KCNN2: variants seen among roughly 807,000 people sequenced by gnomAD.
KCNN2 encodes the protein small conductance calcium-activated potassium channel protein 2.
A neutral mutation model predicts 55.5 loss-of-function variants in KCNN2; 24 were observed. That is an observed-to-expected ratio of 0.43 (90% CI 0.31 to 0.61). KCNN2 has a LOEUF of 0.61. Among genes scored for constraint, KCNN2 ranks in the 20% least tolerant of loss-of-function variants. KCNN2 has a pLI of 0.08. For synonymous variants in KCNN2, 431 were observed against 336.1 expected (o/e 1.28, Z -3.09); for missense variants, 754 against 853.6 (o/e 0.88, Z 1.45).
At chr5:114,400,563 T>C (rs1328125670) in intron 2 of KCNN2, among the ~76,000 whole-genome samples, 1 of 152,222 alleles carries the variant, frequency 6.6e-6, no homozygotes, top group African/African-American at 2.4e-5. Flanking sequence ...TGAAATCCTG[T>C]TTGGATACCA....
intron 2 of KCNN2, among the ~76,000 whole-genome samples, chr5:114,315,086 G>T (rs1471739452): frequency 3.3e-5 from 5 of 152,092 alleles, no homozygotes; most frequent in Non-Finnish European, 7.4e-5. Context: ...CTTATATTGG[G>T]AGCAAACAGG....
chr5:114,159,048 G>A (rs1045429257), intron 1 of KCNN2, among the ~76,000 whole-genome samples: 1 of 152,180 alleles, frequency 6.6e-6, no homozygotes, highest in African/African-American at 2.4e-5. Context: ...ATGTTGGAAA[G>A]GAGTGGTGAG....
At chr5:114,453,715 TTC>T (rs1760795282) in intron 3 of KCNN2, among the ~76,000 whole-genome samples, 1 of 152,184 alleles carries the variant, frequency 6.6e-6, no homozygotes. Context: ...TCTGGGAAAT[TTC>T]TGTCAACTTA....
chr5:114,387,770 CAG>C (rs530931506), intron 2 of KCNN2, among the ~76,000 whole-genome samples: 106 of 152,286 alleles, frequency 7.0e-4, no homozygotes, highest in African/African-American at 2.5e-3. Context: ...GAGGGAGACT[CAG>C]AGACTAGACT....
At chr5:114,331,940 C>T (rs1441695038) in intron 2 of KCNN2, among the ~76,000 whole-genome samples, 1 of 152,144 alleles carries the variant, frequency 6.6e-6, no homozygotes, top group African/African-American at 2.4e-5. Context: ...AAGCTCAGAC[C>T]TTCCCTTAAG....
intron 3 of KCNN2, among the ~76,000 whole-genome samples, chr5:114,461,644 T>C (rs1218826057): frequency 6.6e-6 from 1 of 151,982 alleles, no homozygotes; most frequent in Non-Finnish European, 1.5e-5. Context: ...GATCTGCTGA[T>C]ATTGTGGAGA....
At chr5:114,422,668 A>T (rs1394150534) in intron 3 of KCNN2, among the ~76,000 whole-genome samples, 1 of 152,238 alleles carries the variant, frequency 6.6e-6, no homozygotes, top group Non-Finnish European at 1.5e-5. Context: ...CGAGGATCAT[A>T]TATTATTTAA....
At chr5:114,468,440 G>T (rs1761556137) in intron 4 of KCNN2, among the ~76,000 whole-genome samples, 1 of 151,710 alleles carries the variant, frequency 6.6e-6, no homozygotes, top group South Asian at 2.1e-4. Context: ...CTTTTGGAGG[G>T]CAAGCTGATT....
chr5:114,197,302 T>A (rs2112568592), intron 1 of KCNN2, among the ~76,000 whole-genome samples: 1 of 152,320 alleles, frequency 6.6e-6, no homozygotes, highest in African/African-American at 2.4e-5. Context: ...GTGTATTCTG[T>A]TGTTTAATGG....
At chr5:114,275,426 T>C (rs1755464037) in intron 2 of KCNN2, among the ~76,000 whole-genome samples, 1 of 152,204 alleles carries the variant, frequency 6.6e-6, no homozygotes, top group Non-Finnish European at 1.5e-5. Flanking sequence ...TTCCTCTTTG[T>C]ACCTCTGGTA....
At chr5:114,431,624 T>A (rs1362481321) in intron 3 of KCNN2, among the ~76,000 whole-genome samples, 1 of 144,274 alleles carries the variant, frequency 6.9e-6, no homozygotes, top group Non-Finnish European at 1.6e-5. Flanking sequence ...TTTGCTTATC[T>A]TGGGGTTAAA....
intron 3 of KCNN2, among the ~76,000 whole-genome samples, chr5:114,434,392 T>C (rs773818370): frequency 2.6e-5 from 4 of 152,214 alleles, no homozygotes; most frequent in Non-Finnish European, 5.9e-5. Flanking sequence ...CTGCCTCTTT[T>C]TCCTTTAGAT....
At chr5:114,195,518 T>C (rs990444726) in intron 1 of KCNN2, among the ~76,000 whole-genome samples, 1 of 152,022 alleles carries the variant, frequency 6.6e-6, no homozygotes, top group Non-Finnish European at 1.5e-5. Flanking sequence ...TAGATTTTTG[T>C]ATATTTATCT....
intron 1 of KCNN2, among the ~76,000 whole-genome samples, chr5:114,112,943 A>G (rs1383286112): frequency 6.6e-6 from 1 of 152,010 alleles, no homozygotes; most frequent in Non-Finnish European, 1.5e-5. Flanking sequence ...AAAACTTGAA[A>G]GGCAGAAATT....
chr5:114,301,317 G>A (rs1756154986), intron 2 of KCNN2, among the ~76,000 whole-genome samples: 1 of 152,114 alleles, frequency 6.6e-6, no homozygotes, highest in Non-Finnish European at 1.5e-5. Context: ...ATTAAATAAA[G>A]AAAATTAATT....
intron 3 of KCNN2, among the ~76,000 whole-genome samples, chr5:114,411,749 C>A (rs1329535826): frequency 1.3e-5 from 2 of 152,136 alleles, no homozygotes; most frequent in African/African-American, 4.8e-5. Flanking sequence ...ATGGTGCTCA[C>A]CCACGTTGAG....
At position 114,280,145 on chromosome 5, in the gene KCNN2, G is replaced by A. The variant is rs1172773686; in HGVS notation, c.-185+58580G>A. Among the ~76,000 whole-genome samples, 5 of 152,196 alleles carry A rather than the reference G, an allele frequency of 3.3e-5. No homozygotes were observed. In the South Asian group the frequency reaches 1.0e-3, roughly 32 times the overall value. Reference sequence around the variant, plus strand: ...ATCCTTTGCCCACTTTTTGATGGGGGTGTTTGAATTATTCTTGTAAATTTG... The same window carrying A: ...ATCCTTTGCCCACTTTTTGATGGGGATGTTTGAATTATTCTTGTAAATTTG... On this transcript the variant is annotated intron_variant, in intron 2 of 10. Coordinates refer to the KCNN2 transcript ENST00000512097.
chr5:114,335,689 A>G (rs1228283138), intron 2 of KCNN2, among the ~76,000 whole-genome samples: 2 of 152,218 alleles, frequency 1.3e-5, no homozygotes, highest in Admixed American at 1.3e-4. Context: ...TGTTAGAATG[A>G]ATGCATGTGT....
At chr5:114,382,307 C>T (rs1035852479) in intron 2 of KCNN2, among the ~76,000 whole-genome samples, 7 of 152,184 alleles carry the variant, frequency 4.6e-5, no homozygotes, top group Non-Finnish European at 8.8e-5. Flanking sequence ...CTCTAACTCC[C>T]GTCAGTGTCA....
Sources: allele counts gnomAD v4.1 joint callset (sites outside exome capture counted in the v4.1 genomes callset), GRCh38; gene constraint gnomAD v4.1.1; transcripts MANE v1.5; gene names NCBI Gene and HGNC (gene_info 2026-07-23, HGNC 2026-07-21).